Variants in OSBPL1A observed in about 807,000 individuals in gnomAD.
OSBPL1A encodes oxysterol-binding protein-related protein 1.
In OSBPL1A, 80 loss-of-function variants were observed where a neutral mutation model predicts 137.1. The observed-to-expected ratio is 0.58, with a 90% CI of 0.49 to 0.70. The LOEUF is 0.70. Among genes scored for constraint, OSBPL1A ranks in the 30% least tolerant of loss-of-function variants. OSBPL1A has a pLI of 0.00. For synonymous variants in OSBPL1A, 365 were observed against 389.7 expected (o/e 0.94, Z 0.75); for missense variants, 970 against 1,129.4 (o/e 0.86, Z 2.02).
chr18:24,365,548 C>T (rs920219045), intron 4 of OSBPL1A, among the ~76,000 whole-genome samples: 1 of 150,580 alleles, frequency 6.6e-6, no homozygotes, highest in Non-Finnish European at 1.5e-5. Flanking sequence ...CACACCACTG[C>T]ACTCCAACCT....
intron 17 of OSBPL1A, among the ~76,000 whole-genome samples, chr18:24,217,350 C>T (rs1256174761): frequency 1.3e-5 from 2 of 151,480 alleles, no homozygotes; most frequent in Non-Finnish European, 2.9e-5. Flanking sequence ...CTCCACTTCC[C>T]GAGTTTAAGC....
At chr18:24,310,480 T>TA (rs35634214) in intron 13 of OSBPL1A, among the ~76,000 whole-genome samples, 36,075 of 144,598 alleles carry the variant, frequency 0.25, 5,096 homozygotes, top group African/African-American at 0.38. Context: ...CAGGCGCCTG[T>TA]AGTCCCAGCT....
chr18:24,383,473 T>C lies in OSBPL1A; in HGVS notation c.-2-5938A>G, dbSNP rs563029231. ...TATGAAAAGGATAAAAATAAATCTA[T>C]TGGGCCGGGTGCCTTGGCTCACGCC... On this transcript the variant is annotated intron_variant, in intron 1 of 27. Coordinates refer to ENST00000319481, the MANE Select transcript of OSBPL1A (RefSeq NM_080597.4). Among the ~76,000 whole-genome samples the C allele has an allele frequency of 3.9e-5, 6 of 152,348 alleles. 1 individual carries two copies. Among genetic ancestry groups the C allele is most frequent in the Admixed American group, 3.9e-4 (6 of 15,304 alleles).
chr18:24,195,338 A>C (rs962279512), intron 18 of OSBPL1A, among the ~76,000 whole-genome samples: 1 of 152,114 alleles, frequency 6.6e-6, no homozygotes, highest in Admixed American at 6.6e-5. Flanking sequence ...AAGAAAATGA[A>C]AAGAAAAATG....
At chr18:24,292,046 C>T (rs1222730198) in intron 14 of OSBPL1A, among the ~76,000 whole-genome samples, 2 of 152,140 alleles carry the variant, frequency 1.3e-5, no homozygotes, top group Non-Finnish European at 2.9e-5. Context: ...GATTGCGCCA[C>T]TGTACTCCAG....
chr18:24,178,030 G>A lies in OSBPL1A; in HGVS notation c.2076C>T (p.Ile692=), dbSNP rs1302065691. ...GAACTCACTCAAGGAGCTCCAAGGT[G>A]ATGGTTCCTTTGGGTTCTGCTTCTA... ...KSVEAEPKGT[I]TLELLEHNEA... Residue 692 remains isoleucine, a synonymous_variant, in exon 21 of 28, where the codon ATC becomes ATT. Transcript: ENST00000319481. 1 of 1,613,786 alleles carries A rather than the reference G, an allele frequency of 6.2e-7. No individual in the cohort carries two copies. Among genetic ancestry groups the A allele is most frequent in the Non-Finnish European group, 8.5e-7 (1 of 1,179,808 alleles).
chr18:24,240,327 T>C (rs1395286095), intron 15 of OSBPL1A, among the ~76,000 whole-genome samples: 3 of 152,224 alleles, frequency 2.0e-5, no homozygotes, highest in Non-Finnish European at 2.9e-5. Flanking sequence ...CAAAGCCTGG[T>C]TTGATTTTTT....
chr18:24,197,781 CTTTTCTTTTTTT>C (rs1179685784), intron 17 of OSBPL1A, among the ~76,000 whole-genome samples: 15 of 140,026 alleles, frequency 1.1e-4, no homozygotes, highest in Non-Finnish European at 2.2e-4. Context: ...TTGTTCTTTT[CTTTTCTTTTTTT>C]TTTTTTTTTT....
chr18:24,360,880 G>A (rs561760043), intron 4 of OSBPL1A, among the ~76,000 whole-genome samples: 2 of 152,240 alleles, frequency 1.3e-5, no homozygotes, highest in African/African-American at 2.4e-5. Flanking sequence ...CTGAGCTGCC[G>A]GGATAGGTTC....
At chr18:24,219,819 A>T (rs2087827972) in intron 17 of OSBPL1A, among the ~76,000 whole-genome samples, 1 of 152,224 alleles carries the variant, frequency 6.6e-6, no homozygotes. Context: ...TAAGCTGGGC[A>T]ACTCAACTTG....
intron 17 of OSBPL1A, among the ~76,000 whole-genome samples, chr18:24,201,486 G>A (rs1377465117): frequency 2.0e-5 from 3 of 152,156 alleles, no homozygotes; most frequent in African/African-American, 2.4e-5. Flanking sequence ...ATTTGGGCCC[G>A]GCACAGTGGC....
chr18:24,324,954 C>A (rs372119706), intron 7 of OSBPL1A, among the ~76,000 whole-genome samples: 1 of 151,714 alleles, frequency 6.6e-6, no homozygotes, highest in African/African-American at 2.4e-5. Context: ...GGCATGGTAG[C>A]GCGCACCTGT....
intron 18 of OSBPL1A, among the ~76,000 whole-genome samples, chr18:24,187,425 AG>A (rs965261656): frequency 2.0e-5 from 3 of 152,262 alleles, no homozygotes; most frequent in African/African-American, 7.2e-5. Flanking sequence ...TGTAAAACCA[AG>A]GGGAAAAAAA....
At chr18:24,366,595 G>T (rs1380065312) in intron 4 of OSBPL1A, 3 of 259,212 alleles carry the variant, frequency 1.2e-5, no homozygotes, top group Non-Finnish European at 2.2e-5. Context: ...CCTCAATGAA[G>T]CTATTTTTTT....
At chr18:24,290,076 G>A (rs373088158) in intron 14 of OSBPL1A, among the ~76,000 whole-genome samples, 2 of 152,046 alleles carry the variant, frequency 1.3e-5, no homozygotes, top group South Asian at 2.1e-4. Flanking sequence ...AAGGCTATAT[G>A]TGTTTGCTTT....
rs1907855888 is a variant in OSBPL1A at position 24,397,659 on chromosome 18, G to A, written c.-7C>T. The A allele has an allele frequency of 6.6e-6, 1 of 152,244 alleles. No individual in the cohort carries two copies. Among genetic ancestry groups the A allele is most frequent in the Non-Finnish European group, 1.5e-5 (1 of 68,082 alleles). 9.4% of individuals were successfully genotyped at this position (152,244 alleles called of 1,614,324 possible). A position where few individuals can be genotyped will look rare whatever the true frequency, so the allele number is the denominator to read the frequency against. On this transcript the variant is annotated 5_prime_UTR_variant, in exon 1 of 28. Transcript: ENST00000319481. ...GGACAGCCGCGAGAAACTGACCTAC[G>A]CGGTCACCCGGGCTCCCAGAGCTCC...
chr18:24,317,235 TCAAGA>T, intron 10 of OSBPL1A, 23 bp from the exon 11 acceptor site: 1 of 1,612,916 alleles, frequency 6.2e-7, no homozygotes, highest in Non-Finnish European at 8.5e-7. Flanking sequence ...AATGAAATTA[TCAAGA>T]CAAAAGGAAA....
intron 14 of OSBPL1A, among the ~76,000 whole-genome samples, chr18:24,298,304 GTTC>G (rs1432604833): frequency 3.9e-5 from 6 of 152,160 alleles, no homozygotes; most frequent in Non-Finnish European, 7.4e-5. Flanking sequence ...TGGAGTAGCT[GTTC>G]TTTTATTCCT....
chr18:24,319,537 G>A (rs960582361), intron 7 of OSBPL1A, among the ~76,000 whole-genome samples: 2 of 152,114 alleles, frequency 1.3e-5, no homozygotes, highest in Non-Finnish European at 2.9e-5. Context: ...GAATAAAGCC[G>A]GCAAGCTATC....
Sources: gnomAD v4.1 joint callset for allele counts (sites outside exome capture counted in the v4.1 genomes callset) on GRCh38, gnomAD v4.1.1 for gene constraint, MANE v1.5 for transcripts, NCBI Gene and HGNC (gene_info 2026-07-23, HGNC 2026-07-21) for gene names.